The following DMD variants were observed in gnomAD, a reference collection of about 807,000 sequenced individuals.
The protein encoded by DMD is mutant dystrophin.
A neutral mutation model predicts 330.1 loss-of-function variants in DMD; 63 were observed. The observed-to-expected ratio is 0.19, with a 90% CI of 0.16 to 0.24. The LOEUF (loss-of-function observed/expected upper bound fraction) is 0.24, where lower values mean the gene tolerates loss of function less well. Ranked by LOEUF, DMD falls within the 10% of genes least tolerant of loss-of-function variation. The probability of loss-of-function intolerance (pLI) is 1.00; values close to 1 mark genes in which losing one functional copy is unlikely to be tolerated. For synonymous variants in DMD, 1,223 were observed against 959.8 expected, an observed-to-expected ratio of 1.27 and a Z score of -5.07; for missense variants, 3,344 against 2,684.1, an observed-to-expected ratio of 1.25 and a Z score of -5.43.
chrX:31,240,807 A>G (rs900585607), intron 63 of DMD, among the ~76,000 whole-genome samples: 3 of 111,936 alleles, frequency 2.7e-5, no homozygotes, highest in Non-Finnish European at 3.8e-5. Context: ...CATTATTTCA[A>G]TCCCATTTTA....
intron 7 of DMD, among the ~76,000 whole-genome samples, chrX:32,794,328 G>T (rs1017964684): frequency 8.9e-6 from 1 of 112,049 alleles, no homozygotes; most frequent in Admixed American, 9.4e-5. Flanking sequence ...GGTGGCTCAC[G>T]CCTGTAATCC....
chrX:33,246,717 G>T (rs1179782763), intron 1 of DMD, among the ~76,000 whole-genome samples: 1 of 110,306 alleles, frequency 9.1e-6, no homozygotes, highest in African/African-American at 3.3e-5. Context: ...ATGGAATCTC[G>T]CTCTGTTGCC....
chrX:32,786,179 C>G (rs1476673578), intron 7 of DMD, among the ~76,000 whole-genome samples: 2 of 108,876 alleles, frequency 1.8e-5, no homozygotes, highest in African/African-American at 6.7e-5. Context: ...ACTCACTTGC[C>G]CAACTGATTC....
chrX:33,041,597 A>T (rs1277236347), intron 1 of DMD: 1 of 1,208,031 alleles, frequency 8.3e-7, no homozygotes, highest in Non-Finnish European at 1.1e-6. Flanking sequence ...CCAGATTGCC[A>T]GCGCAGGTTG....
chrX:32,815,562 A>C (rs1453358023), intron 6 of DMD, among the ~76,000 whole-genome samples: 3 of 100,476 alleles, frequency 3.0e-5, no homozygotes, highest in Non-Finnish European at 5.9e-5. Context: ...TAGAGTATAA[A>C]TGGTGTAGTA....
chrX:32,150,267 C>T (rs904192579), intron 44 of DMD, among the ~76,000 whole-genome samples: 1 of 112,171 alleles, frequency 8.9e-6, no homozygotes, highest in Non-Finnish European at 1.9e-5. Context: ...GTGTTCAAAG[C>T]CCTTAGCCTG....
Position 33,066,154 on chromosome X carries a change from G to A in DMD, c.32-45954C>T, listed in dbSNP as rs1279234975. Among the ~76,000 whole-genome samples the A allele has an allele frequency of 2.7e-5, 3 of 109,725 alleles. No homozygotes were observed. In the East Asian group the frequency reaches 8.5e-4, roughly 31 times the overall value. On this transcript the variant is annotated intron_variant, in intron 1 of 78. Transcript: ENST00000357033. ...TTAGGAAGGGTGGAATAATGTCTAG[G>A]AAACGAGAGTAATAAGGCCAGGTGC...
chrX:32,133,009 T>TC (rs1569545936), intron 44 of DMD, among the ~76,000 whole-genome samples: 1,094 of 83,467 alleles, frequency 0.013, 10 homozygotes, highest in South Asian at 0.038. Flanking sequence ...TTTTTTTTTT[T>TC]TTTTTTTTTT....
At chrX:31,813,933 C>T (rs2092537068) in intron 50 of DMD, among the ~76,000 whole-genome samples, 1 of 111,406 alleles carries the variant, frequency 9.0e-6, no homozygotes, top group African/African-American at 3.3e-5. Flanking sequence ...CAGCCATGTC[C>T]CTTTATTTAG....
intron 9 of DMD, among the ~76,000 whole-genome samples, chrX:32,673,073 C>T (rs2061732286): frequency 9.0e-6 from 1 of 110,941 alleles, no homozygotes; most frequent in Non-Finnish European, 1.9e-5. Flanking sequence ...GTGTGTGTGT[C>T]TGCATATTTC....
chrX:33,023,161 T>C (rs1034857985), intron 1 of DMD, among the ~76,000 whole-genome samples: 1 of 112,066 alleles, frequency 8.9e-6, no homozygotes, highest in African/African-American at 3.2e-5. Context: ...GTCCACACTT[T>C]TAAATTCCCC....
chrX:31,957,512 A>G (rs182607062), intron 45 of DMD, among the ~76,000 whole-genome samples: 2 of 112,117 alleles, frequency 1.8e-5, no homozygotes, highest in East Asian at 5.6e-4. Context: ...ATGAGAGATA[A>G]GGCTTTCTGC....
intron 1 of DMD, among the ~76,000 whole-genome samples, chrX:33,138,326 C>G (rs1320122669): frequency 8.9e-6 from 1 of 111,792 alleles, no homozygotes; most frequent in African/African-American, 3.2e-5. Flanking sequence ...AAACATCAGA[C>G]AGAAATGACG....
In DMD at chrX:31,577,935, A is replaced by C. The variant is rs149056034; in HGVS notation, c.8217+49738T>G. Among the ~76,000 whole-genome samples the C allele has an allele frequency of 3.7e-3, 408 of 111,402 alleles. 3 individuals are homozygous for C. Among genetic ancestry groups the C allele is most frequent in the African/African-American group, 0.013 (385 of 30,655 alleles). ...TTAGTAAAAATTAAATGTTCTACCT[A>C]ATTTTGAACCAAAATTGCCTTTATA... On this transcript the variant is annotated intron_variant, in intron 55 of 78. Transcript: ENST00000357033.
chrX:32,729,096 C>G (rs141886480), intron 7 of DMD, among the ~76,000 whole-genome samples: 96 of 112,038 alleles, frequency 8.6e-4, no homozygotes, highest in African/African-American at 2.9e-3. Flanking sequence ...TTGAACATCC[C>G]TAATAGGAAA....
intron 62 of DMD, among the ~76,000 whole-genome samples, chrX:31,268,386 T>G (rs77595740): frequency 0.022 from 2,486 of 112,539 alleles, 26 homozygotes; most frequent in East Asian, 0.084. Flanking sequence ...ATGTTATCAC[T>G]AAAGATATGT....
Position 31,141,883 on chromosome X carries a change from T to C in DMD, c.10921+4408A>G, listed in dbSNP as rs187146806. Among the ~76,000 whole-genome samples the C allele has an allele frequency of 1.2e-4, 13 of 110,885 alleles. No individual in the cohort carries two copies. The East Asian group carries it at 3.7e-3, about 31-fold the overall frequency. On this transcript the variant is annotated intron_variant, in intron 76 of 78. Coordinates refer to ENST00000357033, the MANE Select transcript of DMD (RefSeq NM_004006.3). ...GAAGAACGGTGAAGGGGATGGAGAA[T>C]CTTGAGGAAAACCTTGATGTGATGT... is the stretch of plus-strand genomic sequence containing the variant.
intron 9 of DMD, among the ~76,000 whole-genome samples, chrX:32,664,228 C>A (rs747503968): frequency 9.4e-6 from 1 of 106,489 alleles, no homozygotes; most frequent in South Asian, 4.2e-4. Flanking sequence ...TTAAGGTGGA[C>A]CTGGCATAGG....
chrX:32,525,338 C>G (rs1412381153), intron 17 of DMD, among the ~76,000 whole-genome samples: 1 of 111,303 alleles, frequency 9.0e-6, no homozygotes, highest in Non-Finnish European at 1.9e-5. Flanking sequence ...TGTTTTCTCT[C>G]CAATATTCTG....
Sources: allele counts gnomAD v4.1 joint callset (sites outside exome capture counted in the v4.1 genomes callset), GRCh38; gene constraint gnomAD v4.1.1; transcripts MANE v1.5; gene names NCBI Gene and HGNC (gene_info 2026-07-23, HGNC 2026-07-21).